FGD4: variants seen among roughly 807,000 people sequenced by gnomAD.
The protein encoded by FGD4 is FYVE, RhoGEF and PH domain containing 4.
FGD4 carries 42 observed loss-of-function variants against 102.0 expected under a neutral mutation model. The observed-to-expected ratio is 0.41, with a 90% CI of 0.32 to 0.53. The LOEUF (loss-of-function observed/expected upper bound fraction) is 0.53. FGD4 is among the 20% of genes least tolerant of loss of function. The pLI is 0.21. For missense variants in FGD4, 902 were observed against 1,078.2 expected (o/e 0.84, Z 2.29); for synonymous variants, 380 against 375.7 (o/e 1.01, Z -0.13).
At chr12:32,428,460 TG>T (rs1412385319) in intron 1 of FGD4, among the ~76,000 whole-genome samples, 1 of 152,190 alleles carries the variant, frequency 6.6e-6, no homozygotes, top group East Asian at 1.9e-4. Flanking sequence ...CTTTCCTTTG[TG>T]GGTAACCCAA....
intron 1 of FGD4, among the ~76,000 whole-genome samples, chr12:32,551,812 T>G (rs1943693496): frequency 6.6e-6 from 1 of 152,208 alleles, no homozygotes; most frequent in Non-Finnish European, 1.5e-5. Flanking sequence ...CATGATGTAT[T>G]CACTGATATT....
intron 3 of FGD4, among the ~76,000 whole-genome samples, chr12:32,577,562 C>T (rs768747477): frequency 3.9e-5 from 6 of 152,248 alleles, no homozygotes; most frequent in East Asian, 3.9e-4. Context: ...TCAGAGGCCC[C>T]GTCTATTTTA....
chr12:32,594,147 G>C (rs1947691302), intron 4 of FGD4, among the ~76,000 whole-genome samples: 1 of 152,170 alleles, frequency 6.6e-6, no homozygotes, highest in Non-Finnish European at 1.5e-5. Context: ...TCTGTGGCCT[G>C]TTAGGGATGT....
chr12:32,521,596 A>T (rs1940563143), intron 1 of FGD4, among the ~76,000 whole-genome samples: 1 of 152,212 alleles, frequency 6.6e-6, no homozygotes, highest in African/African-American at 2.4e-5. Context: ...TGAGTCCCAT[A>T]TGGGGCTCAG....
chr12:32,496,843 C>A (rs1937852977), intron 1 of FGD4, among the ~76,000 whole-genome samples: 1 of 152,048 alleles, frequency 6.6e-6, no homozygotes, highest in Non-Finnish European at 1.5e-5. Context: ...GTGTAATTTC[C>A]TCCCACCTTT....
chr12:32,440,485 T>A (rs1038413329), intron 1 of FGD4, among the ~76,000 whole-genome samples: 1 of 152,228 alleles, frequency 6.6e-6, no homozygotes, highest in Non-Finnish European at 1.5e-5. Flanking sequence ...TGTCTTCCCT[T>A]ACTTTCTCCC....
At chr12:32,478,893 A>T (rs1436246212) in intron 1 of FGD4, among the ~76,000 whole-genome samples, 1 of 152,168 alleles carries the variant, frequency 6.6e-6, no homozygotes, top group African/African-American at 2.4e-5. Flanking sequence ...CCTTCTGGAT[A>T]TTCTCCATCC....
At chr12:32,474,232 C>T (rs745323990) in intron 1 of FGD4, among the ~76,000 whole-genome samples, 5 of 152,148 alleles carry the variant, frequency 3.3e-5, no homozygotes, top group African/African-American at 7.2e-5. Context: ...CCATATGACC[C>T]AGCAATTCTG....
intron 1 of FGD4, among the ~76,000 whole-genome samples, chr12:32,526,573 T>C (rs529715888): frequency 4.1e-4 from 63 of 152,330 alleles, no homozygotes; most frequent in Admixed American, 3.4e-3. Context: ...CAGCAGGATG[T>C]GGGTGGGGCC....
chr12:32,514,826 A>G (rs909406877), intron 1 of FGD4, among the ~76,000 whole-genome samples: 3 of 152,220 alleles, frequency 2.0e-5, no homozygotes, highest in Non-Finnish European at 4.4e-5. Context: ...TGTATTATCC[A>G]TTTGTTTAAA....
intron 4 of FGD4, among the ~76,000 whole-genome samples, chr12:32,595,585 C>T (rs758964588): frequency 3.3e-5 from 5 of 152,174 alleles, no homozygotes; most frequent in Non-Finnish European, 5.9e-5. Flanking sequence ...TGGATTCTTA[C>T]ACTATTCAGG....
chr12:32,534,376 A>C (rs561826126), intron 1 of FGD4: 2 of 1,478,166 alleles, frequency 1.4e-6, no homozygotes, highest in East Asian at 5.0e-5. Context: ...AGCCTCCCTG[A>C]AGCTTTACAG....
rs564545898 is a variant in FGD4, at chr12:32,510,938, C to T, written c.167-53199C>T. ...ATACTGTAATGATACAAGCTGAGTA[C>T]CTTTTATGAAAGAGGTGTGAAATTA... On this transcript the variant is annotated intron_variant, in intron 1 of 16. Transcript: ENST00000534526. Among the ~76,000 whole-genome samples, 5 of 152,208 alleles carry T rather than the reference C, an allele frequency of 3.3e-5. 1 individual carries two copies. The highest frequency in any genetic ancestry group is 1.2e-4 in the African/African-American group (5 of 41,520).
intron 1 of FGD4, among the ~76,000 whole-genome samples, chr12:32,457,987 TGA>T (rs1296221920): frequency 6.6e-5 from 10 of 150,424 alleles, no homozygotes; most frequent in Admixed American, 6.0e-4. Context: ...TCCTCATTTA[TGA>T]TTTTTCACTT....
chr12:32,483,625 T>TA (rs1200889198), intron 1 of FGD4, among the ~76,000 whole-genome samples: 22 of 152,222 alleles, frequency 1.4e-4, no homozygotes, highest in African/African-American at 4.8e-4. Context: ...TTTTAGCCCA[T>TA]AACTCATTGG....
chr12:32,536,488 C>G (rs938778116), intron 1 of FGD4, among the ~76,000 whole-genome samples: 1 of 152,332 alleles, frequency 6.6e-6, no homozygotes, highest in South Asian at 2.1e-4. Context: ...TTACTGTAGG[C>G]ACCTGTTTTC....
intron 1 of FGD4, among the ~76,000 whole-genome samples, chr12:32,441,367 G>C (rs1942429622): frequency 6.6e-6 from 1 of 152,004 alleles, no homozygotes; most frequent in African/African-American, 2.4e-5. Flanking sequence ...GGTGATGAAT[G>C]CTGCCAGGAC....
At position 32,640,486 on chromosome 12, in the gene FGD4, G is replaced by A. The variant is rs763494514; in HGVS notation, c.2665G>A (p.Ala889Thr). Residue 889 changes from alanine (A) to threonine (T), a missense_variant, in exon 17 of 17, where the codon GCC becomes ACC. By Grantham distance (58) the Ala-to-Thr change is moderately conservative. Around this residue, in one of 2 missense-constraint regions of FGD4, gnomAD observed 459 missense variants for 619.0 expected, o/e 0.74. Coordinates refer to ENST00000534526, the MANE Select transcript of FGD4 (RefSeq NM_001370298.3). The stretch of plus-strand genomic sequence containing the variant: ...ACCAGGTGGTCCAAATGAGCATCCA[G>A]CCACCTTGGATGATCATCCTGAACC... ...ETPGGPNEHP[A>T]TLDDHPEPKK... 1 of 1,613,988 alleles carries A rather than the reference G, an allele frequency of 6.2e-7. No homozygotes were observed. Among genetic ancestry groups the A allele is most frequent in the East Asian group, 2.2e-5 (1 of 44,890 alleles).
intron 1 of FGD4, among the ~76,000 whole-genome samples, chr12:32,490,930 AAC>A (rs1308645208): frequency 6.6e-6 from 1 of 152,160 alleles, no homozygotes; most frequent in African/African-American, 2.4e-5. Context: ...ATCCATTCAA[AAC>A]ACAGTTCTTC....
Sources: allele counts gnomAD v4.1 joint callset (sites outside exome capture counted in the v4.1 genomes callset), GRCh38; gene constraint gnomAD v4.1.1; regional missense constraint gnomAD v4.1.1; transcripts MANE v1.5; gene names NCBI Gene and HGNC (gene_info 2026-07-23, HGNC 2026-07-21).